Variants in CYP2C19 observed in about 807,000 individuals in gnomAD.
CYP2C19 encodes cytochrome P450 2C19.
CYP2C19 carries 59 observed loss-of-function variants against 40.9 expected under a neutral mutation model. The observed-to-expected ratio is 1.44, with a 90% CI of 1.17 to 1.79. CYP2C19 has a LOEUF of 1.79. Among genes scored for constraint, CYP2C19 ranks in the 40% most tolerant of loss-of-function variants. The probability of loss-of-function intolerance (pLI) is 0.00; values close to 1 mark genes in which losing one functional copy is unlikely to be tolerated. For synonymous variants in CYP2C19, 253 were observed against 208.7 expected (o/e 1.21, Z -1.83); for missense variants, 754 against 596.9 (o/e 1.26, Z -2.74).
chr10:94,762,884 T>C lies in CYP2C19; in HGVS notation c.168+11T>C. 6.2e-7 allele frequency: 1 copy of C among 1,611,806 alleles called. No individual in the cohort carries two copies. Among genetic ancestry groups the C allele is most frequent in the Non-Finnish European group, 8.5e-7 (1 of 1,178,094 alleles). On this transcript the variant is annotated intron_variant, in intron 1 of 8. Coordinates refer to ENST00000371321, the MANE Select transcript of CYP2C19 (RefSeq NM_000769.4). The stretch of plus-strand genomic sequence containing the variant: ...AAATCCTTAACCAATGTAAGTATGC[T>C]CCTTCAGTGGCTTGCAAAAGGTAAG...
At chr10:94,849,431 A>G (rs1015489852) in intron 7 of CYP2C19, among the ~76,000 whole-genome samples, 3 of 99,100 alleles carry the variant, frequency 3.0e-5, no homozygotes, top group Non-Finnish European at 6.1e-5. Flanking sequence ...TACAAAGAGA[A>G]AAAAAAAGAA....
Position 94,810,723 on chromosome 10 carries a change from A to C in CYP2C19, c.820-9773A>C, listed in dbSNP as rs183606065. Reference sequence around the variant, plus strand: ...TGGTAGTTTGTATTTCTGTAGGATCAGTGGTGATATCCCCTTTATCATTTT... The same window carrying C: ...TGGTAGTTTGTATTTCTGTAGGATCCGTGGTGATATCCCCTTTATCATTTT... On this transcript the variant is annotated intron_variant, in intron 5 of 8. Coordinates refer to ENST00000371321, the MANE Select transcript of CYP2C19 (RefSeq NM_000769.4). Among the ~76,000 whole-genome samples the C allele has an allele frequency of 2.6e-3, 391 of 152,206 alleles. 13 individuals carry two copies. The East Asian group carries it at 0.062, about 24-fold the overall frequency.
At chr10:94,829,484 G>A (rs955232932) in intron 6 of CYP2C19, among the ~76,000 whole-genome samples, 9 of 152,052 alleles carry the variant, frequency 5.9e-5, no homozygotes, top group Admixed American at 1.3e-4. Flanking sequence ...CGTAGTTCTC[G>A]AGCCTTGGTT....
At chr10:94,830,029 C>T (rs1379629684) in intron 6 of CYP2C19, among the ~76,000 whole-genome samples, 1 of 152,204 alleles carries the variant, frequency 6.6e-6, no homozygotes, top group Non-Finnish European at 1.5e-5. Flanking sequence ...TCTCCAGCTG[C>T]ATGCTGGGAG....
intron 5 of CYP2C19, among the ~76,000 whole-genome samples, chr10:94,812,062 C>T (rs183535182): frequency 1.0e-3 from 158 of 152,286 alleles, no homozygotes; most frequent in Middle Eastern, 3.4e-3. Context: ...TCTTGTAAGG[C>T]AGGCTTGGTG....
intron 5 of CYP2C19, among the ~76,000 whole-genome samples, chr10:94,818,551 C>T (rs1310838115): frequency 1.8e-4 from 25 of 141,154 alleles, no homozygotes; most frequent in African/African-American, 5.3e-4. Flanking sequence ...TTGTTTGTAT[C>T]CTCTTTTATT....
chr10:94,841,613 T>G (rs1221771779), intron 6 of CYP2C19, among the ~76,000 whole-genome samples: 1 of 152,222 alleles, frequency 6.6e-6, no homozygotes, highest in African/African-American at 2.4e-5. Flanking sequence ...TCTCCATTTT[T>G]GATGTAAGCT....
intron 6 of CYP2C19, among the ~76,000 whole-genome samples, chr10:94,828,983 A>G (rs1199036212): frequency 1.3e-5 from 2 of 152,170 alleles, no homozygotes; most frequent in Admixed American, 1.3e-4. Flanking sequence ...AGAATGTTGA[A>G]TATTGGCCCC....
At chr10:94,785,937 G>C (rs994865067) in intron 5 of CYP2C19, among the ~76,000 whole-genome samples, 2 of 151,988 alleles carry the variant, frequency 1.3e-5, no homozygotes, top group African/African-American at 4.8e-5. Context: ...AGCCTTCCCT[G>C]CCCACTATGT....
intron 6 of CYP2C19, among the ~76,000 whole-genome samples, chr10:94,839,823 CTA>C (rs1849464711): frequency 1.3e-5 from 2 of 152,140 alleles, no homozygotes; most frequent in African/African-American, 4.8e-5. Flanking sequence ...GGAGTTCCTC[CTA>C]TGTCTGGTCG....
At chr10:94,763,322 G>A (rs1233508668) in intron 1 of CYP2C19, among the ~76,000 whole-genome samples, 10 of 152,064 alleles carry the variant, frequency 6.6e-5, no homozygotes, top group African/African-American at 2.4e-4. Flanking sequence ...AGCAGCTGTG[G>A]GTTTAGGACC....
At chr10:94,841,057 C>A (rs571747530) in intron 6 of CYP2C19, among the ~76,000 whole-genome samples, 33 of 152,088 alleles carry the variant, frequency 2.2e-4, no homozygotes, top group African/African-American at 8.0e-4. Context: ...TGGTGATCCA[C>A]TTCCAAGATG....
At chr10:94,771,885 A>G (rs183101962) in intron 1 of CYP2C19, among the ~76,000 whole-genome samples, 1 of 152,266 alleles carries the variant, frequency 6.6e-6, no homozygotes, top group East Asian at 1.9e-4. Context: ...GACCAGAAGG[A>G]GGACTGAGGA....
chr10:94,778,887 G>A, intron 3 of CYP2C19, among the ~76,000 whole-genome samples: 1 of 152,108 alleles, frequency 6.6e-6, no homozygotes, highest in East Asian at 1.9e-4. Flanking sequence ...TGACACACTG[G>A]ATAAAGAAAA....
chr10:94,850,914 C>G (rs1235084646), intron 8 of CYP2C19, among the ~76,000 whole-genome samples: 1 of 152,182 alleles, frequency 6.6e-6, no homozygotes. Flanking sequence ...TTGATCTCCA[C>G]ACGTGAAATG....
intron 3 of CYP2C19, among the ~76,000 whole-genome samples, chr10:94,777,086 A>G (rs1438583958): frequency 6.6e-6 from 1 of 152,148 alleles, no homozygotes; most frequent in Non-Finnish European, 1.5e-5. Flanking sequence ...TAGAAATACA[A>G]CTTAAAAGGG....
intron 6 of CYP2C19, among the ~76,000 whole-genome samples, chr10:94,825,491 T>C (rs1451281601): frequency 3.4e-5 from 5 of 147,168 alleles, no homozygotes; most frequent in Non-Finnish European, 7.5e-5. Context: ...TTTGCCCACT[T>C]TTTGATGGGG....
chr10:94,816,226 A>G (rs1192321475), intron 5 of CYP2C19, among the ~76,000 whole-genome samples: 5 of 151,264 alleles, frequency 3.3e-5, no homozygotes, highest in Admixed American at 6.6e-5. Flanking sequence ...CCACTACACC[A>G]TACAGTATTT....
intron 1 of CYP2C19, among the ~76,000 whole-genome samples, chr10:94,766,243 G>T (rs1181648185): frequency 6.6e-6 from 1 of 152,070 alleles, no homozygotes; most frequent in Non-Finnish European, 1.5e-5. Context: ...GTTTAACAAA[G>T]AGTGGGTTAA....
Sources: gnomAD v4.1 joint callset for allele counts (sites outside exome capture counted in the v4.1 genomes callset) on GRCh38, gnomAD v4.1.1 for gene constraint, MANE v1.5 for transcripts, NCBI Gene and HGNC (gene_info 2026-07-23, HGNC 2026-07-21) for gene names.